Variants in EPHB1 observed in about 807,000 individuals in gnomAD.
EPHB1 encodes the protein ephrin type-B receptor 1.
In EPHB1, 30 loss-of-function variants were observed where a neutral mutation model predicts 94.4. The observed-to-expected ratio is 0.32, with a 90% confidence interval of 0.24 to 0.43. The LOEUF is 0.43. Among genes scored for constraint, EPHB1 ranks in the 20% least tolerant of loss-of-function variants. The pLI is 1.00. For missense variants in EPHB1, 1,055 were observed against 1,308.3 expected (o/e 0.81, Z 2.99); for synonymous variants, 522 against 489.1 (o/e 1.07, Z -0.89).
At chr3:135,117,437 A>G (rs1338671873) in intron 4 of EPHB1, among the ~76,000 whole-genome samples, 2 of 152,244 alleles carry the variant, frequency 1.3e-5, no homozygotes, top group East Asian at 1.9e-4. Context: ...TTTCCAATGT[A>G]TAAATAATCA....
chr3:134,817,616 G>A (rs941045587), intron 1 of EPHB1, among the ~76,000 whole-genome samples: 1 of 152,238 alleles, frequency 6.6e-6, no homozygotes. Flanking sequence ...TCTCTCTGAA[G>A]TTTCATTCTC....
At chr3:135,114,728 G>GATAATAAATAA (rs1553736209) in intron 4 of EPHB1, among the ~76,000 whole-genome samples, 36 of 133,700 alleles carry the variant, frequency 2.7e-4, no homozygotes, top group Admixed American at 6.3e-4. Context: ...GTCTCAGATA[G>GATAATAAATAA]ATAAATAAAT....
intron 12 of EPHB1, among the ~76,000 whole-genome samples, chr3:135,234,814 A>T (rs1943611610): frequency 6.6e-6 from 1 of 152,224 alleles, no homozygotes; most frequent in African/African-American, 2.4e-5. Context: ...TCATGAGAAC[A>T]GCATGAGAGT....
At chr3:135,011,789 A>G (rs1475451154) in intron 3 of EPHB1, among the ~76,000 whole-genome samples, 1 of 152,206 alleles carries the variant, frequency 6.6e-6, no homozygotes, top group Admixed American at 6.5e-5. Context: ...AGGAGGTGTG[A>G]GTCTGCTTTC....
chr3:134,946,915 C>T (rs527793328), intron 2 of EPHB1, among the ~76,000 whole-genome samples: 18 of 152,282 alleles, frequency 1.2e-4, no homozygotes, highest in Non-Finnish European at 2.2e-4. Flanking sequence ...ATAAATTACC[C>T]AGCCTCAGGT....
intron 12 of EPHB1, among the ~76,000 whole-genome samples, chr3:135,217,481 G>C (rs1943179995): frequency 6.6e-6 from 1 of 151,620 alleles, no homozygotes; most frequent in African/African-American, 2.4e-5. Context: ...CACGGGGAGA[G>C]AGAGAGAGAG....
intron 1 of EPHB1, among the ~76,000 whole-genome samples, chr3:134,857,419 G>C (rs182190353): frequency 6.5e-4 from 99 of 152,250 alleles, no homozygotes; most frequent in Non-Finnish European, 1.4e-3. Flanking sequence ...TGGTTAGTGT[G>C]ATTGATTCAC....
chr3:135,084,130 T>C (rs1488085250), intron 3 of EPHB1, among the ~76,000 whole-genome samples: 1 of 151,966 alleles, frequency 6.6e-6, no homozygotes, highest in Non-Finnish European at 1.5e-5. Flanking sequence ...AAGACCAAAG[T>C]GTGTTTAATT....
At chr3:134,928,106 G>A (rs888214014) in intron 2 of EPHB1, among the ~76,000 whole-genome samples, 2 of 152,160 alleles carry the variant, frequency 1.3e-5, no homozygotes, top group African/African-American at 4.8e-5. Context: ...TGGGCATATC[G>A]GTCTCAACAT....
chr3:134,855,323 A>G (rs1265291637), intron 1 of EPHB1, among the ~76,000 whole-genome samples: 2 of 152,198 alleles, frequency 1.3e-5, no homozygotes, highest in South Asian at 2.1e-4. Context: ...AGCTCCCCAG[A>G]GGCCAGAGGC....
At chr3:135,095,142 C>T (rs970859262) in intron 3 of EPHB1, among the ~76,000 whole-genome samples, 11 of 152,110 alleles carry the variant, frequency 7.2e-5, no homozygotes, top group Admixed American at 7.2e-4. Context: ...GGACAGGGAG[C>T]CCACTGCCAA....
chr3:135,124,715 G>T (rs1261606360), intron 4 of EPHB1, among the ~76,000 whole-genome samples: 1 of 151,664 alleles, frequency 6.6e-6, no homozygotes, highest in African/African-American at 2.4e-5. Context: ...TGCTACTGGG[G>T]TTCATTTAAA....
chr3:134,904,464 TGTCTGTG>T (rs145249963), intron 1 of EPHB1, among the ~76,000 whole-genome samples: 1 of 151,608 alleles, frequency 6.6e-6, no homozygotes, highest in Non-Finnish European at 1.5e-5. Flanking sequence ...TGGGCCAGTG[TGTCTGTG>T]GTCTGTGGTC....
At chr3:135,233,330 C>A (rs765280154) in intron 12 of EPHB1, among the ~76,000 whole-genome samples, 1 of 152,236 alleles carries the variant, frequency 6.6e-6, no homozygotes, top group Non-Finnish European at 1.5e-5. Flanking sequence ...AGGCCCCATG[C>A]AAGTCCAAAA....
intron 3 of EPHB1, among the ~76,000 whole-genome samples, chr3:134,983,686 C>T (rs1037848684): frequency 8.5e-5 from 13 of 152,210 alleles, no homozygotes; most frequent in Admixed American, 6.5e-4. Flanking sequence ...GTTCTTGGAC[C>T]TCCATATCAG....
intron 2 of EPHB1, among the ~76,000 whole-genome samples, chr3:134,936,574 C>T (rs1247164543): frequency 1.3e-5 from 2 of 152,122 alleles, no homozygotes; most frequent in African/African-American, 2.4e-5. Flanking sequence ...TGAACGCGCC[C>T]CCCCCTCCAT....
intron 4 of EPHB1, among the ~76,000 whole-genome samples, chr3:135,128,558 G>T (rs935220200): frequency 6.6e-6 from 1 of 152,208 alleles, no homozygotes; most frequent in African/African-American, 2.4e-5. Flanking sequence ...CCTGGAGCGG[G>T]CCTCATGGGA....
chr3:134,843,037 T>A (rs1359610465), intron 1 of EPHB1, among the ~76,000 whole-genome samples: 2 of 152,254 alleles, frequency 1.3e-5, no homozygotes, highest in Non-Finnish European at 2.9e-5. Context: ...TTTCTTTTCA[T>A]CTTGAATAAC....
At chr3:135,018,350 C>T (rs1935872809) in intron 3 of EPHB1, among the ~76,000 whole-genome samples, 1 of 152,074 alleles carries the variant, frequency 6.6e-6, no homozygotes. Flanking sequence ...GGGACAAAGT[C>T]TACACAGCCC....
Sources: gnomAD v4.1 joint callset for allele counts (sites outside exome capture counted in the v4.1 genomes callset) on GRCh38, gnomAD v4.1.1 for gene constraint, MANE v1.5 for transcripts, NCBI Gene and HGNC (gene_info 2026-07-23, HGNC 2026-07-21) for gene names.